Variants in DIP2A observed in about 807,000 individuals in gnomAD.
DIP2A encodes the protein DIP2 acetate--CoA ligase A, also known as disco-interacting protein 2 homolog A.
In DIP2A, 85 loss-of-function variants were observed where a neutral mutation model predicts 177.4. The ratio of observed to expected loss-of-function variants is 0.48; its 90% CI spans 0.40 to 0.57. The LOEUF is 0.57. DIP2A is among the 20% of genes least tolerant of loss of function. The pLI is 0.00. For missense variants in DIP2A, 1,791 were observed against 2,100.2 expected (o/e 0.85, Z 2.88); for synonymous variants, 886 against 881.8 (o/e 1.00, Z -0.08).
chr21:46,494,090 T>C (rs1210307504), intron 3 of DIP2A, among the ~76,000 whole-genome samples: 2 of 152,248 alleles, frequency 1.3e-5, no homozygotes, highest in African/African-American at 2.4e-5. Flanking sequence ...GATAATGCCA[T>C]TTTCACAAAG....
At chr21:46,559,645 G>A (rs2060599943) in intron 32 of DIP2A, among the ~76,000 whole-genome samples, 1 of 152,264 alleles carries the variant, frequency 6.6e-6, no homozygotes, top group Admixed American at 6.5e-5. Flanking sequence ...CTAGACGTCG[G>A]AAGGGTATGG....
At position 46,554,311 on chromosome 21, in the gene DIP2A, T is replaced by A; in HGVS notation, c.3154+19T>A. On this transcript the variant is annotated intron_variant, in intron 26 of 37. Transcript: ENST00000417564. ...CCACCAGGTGGGCTCACTGTGGGGC[T>A]GTCCACCTGCAGCTCTTTGTAAGCA... 1 of 1,612,750 alleles carries A rather than the reference T, an allele frequency of 6.2e-7. No individual in the cohort carries two copies.
At chr21:46,470,530 T>G (rs1477849411) in intron 1 of DIP2A, among the ~76,000 whole-genome samples, 2 of 150,690 alleles carry the variant, frequency 1.3e-5, no homozygotes, top group Non-Finnish European at 3.0e-5. Context: ...TCCAGCACTT[T>G]GGGAGGCCGA....
chr21:46,482,972 G>C (rs2079281218), intron 1 of DIP2A, among the ~76,000 whole-genome samples: 1 of 152,188 alleles, frequency 6.6e-6, no homozygotes, highest in Admixed American at 6.5e-5. Flanking sequence ...GTTATATCCT[G>C]AACCTGATGA....
intron 6 of DIP2A, among the ~76,000 whole-genome samples, chr21:46,506,760 C>CTTTCT (rs2058021626): frequency 1.3e-5 from 1 of 76,616 alleles, no homozygotes; most frequent in Non-Finnish European, 2.9e-5. Context: ...TTCTTTCTTT[C>CTTTCT]TTTCTTTCTT....
chr21:46,478,925 T>G lies in DIP2A; in HGVS notation c.92-5832T>G, dbSNP rs193139624. 1.1e-4 allele frequency among the ~76,000 whole-genome samples: 16 copies of G among 152,354 alleles called. No homozygotes were observed. The East Asian group carries it at 2.5e-3, about 24-fold the overall frequency. Reference sequence around the variant, plus strand: ...GATCAAATGCCAGACATTGTCTATATAGTGATCATTTGTGACCACAAAGGG... The same window carrying G: ...GATCAAATGCCAGACATTGTCTATAGAGTGATCATTTGTGACCACAAAGGG... On this transcript the variant is annotated intron_variant, in intron 1 of 37. Coordinates refer to ENST00000417564, the MANE Select transcript of DIP2A (RefSeq NM_015151.4).
At chr21:46,463,691 T>TGC (rs1439615585) in intron 1 of DIP2A, among the ~76,000 whole-genome samples, 1 of 144,444 alleles carries the variant, frequency 6.9e-6, no homozygotes, top group African/African-American at 2.9e-5. Context: ...TGTGTGTGTG[T>TGC]GTGTGTGTGT....
intron 25 of DIP2A, chr21:46,553,330 C>T (rs2060340115): frequency 6.6e-6 from 1 of 152,268 alleles, no homozygotes; most frequent in Non-Finnish European, 1.5e-5. Context: ...TGATGTTACA[C>T]TGGTCTGCTC....
intron 26 of DIP2A, 52 bp downstream of exon 26, chr21:46,554,344 A>G: frequency 3.1e-6 from 5 of 1,604,694 alleles, no homozygotes; most frequent in Middle Eastern, 1.7e-4. Flanking sequence ...GCAGCCTCCT[A>G]TCCTAAGCAG....
At chr21:46,504,289 G>T in intron 5 of DIP2A, 72 bp from the exon 6 acceptor site, 1 of 1,578,114 alleles carries the variant, frequency 6.3e-7, no homozygotes, top group South Asian at 1.1e-5. Context: ...AGACTAACGG[G>T]GTTTCAAGAG....
downstream of DIP2A, among the ~76,000 whole-genome samples, chr21:46,574,633 A>C (rs900995793): frequency 6.6e-6 from 1 of 152,162 alleles, no homozygotes; most frequent in African/African-American, 2.4e-5. Context: ...AAACGTTACC[A>C]ATTCTACAGT....
Position 46,557,429 on chromosome 21 carries a change from T to C in DIP2A, c.3630-156T>C. 2.1e-6 allele frequency: 2 copies of C among 949,172 alleles called. No homozygotes were observed. The highest frequency in any genetic ancestry group is 3.5e-5 in the South Asian group (2 of 57,512). The allele number at this position is 949,172 out of a possible 1,614,324, so 58.8% of individuals were successfully genotyped here. A position where few individuals can be genotyped will look rare whatever the true frequency, so the allele number is the denominator to read the frequency against. Reference sequence around the variant, plus strand: ...GCCTGCCATCCCCCAACCTTCACCCTGTGGCATGTTTTCCACCAAACCCCC... The same window carrying C: ...GCCTGCCATCCCCCAACCTTCACCCCGTGGCATGTTTTCCACCAAACCCCC... On this transcript the variant is annotated intron_variant, in intron 30 of 37. Transcript: ENST00000417564. This position sits in a 1 kb window ranked among gnomAD's most constrained non-coding sequence, Gnocchi z 6.0.
In DIP2A at chr21:46,498,327, G is replaced by A. The variant is rs1018334629; in HGVS notation, c.404-255G>A. ...ATCAGAGGCTGTCTTCACTGAGTGT[G>A]TCTGGTACCCTGTGGCTGAGTTCTC... On this transcript the variant is annotated intron_variant, in intron 4 of 37. Transcript: ENST00000417564. The surrounding 1 kb of genome is among the most constrained non-coding windows in gnomAD (Gnocchi z 4.3). Among the ~76,000 whole-genome samples the A allele has an allele frequency of 2.6e-5, 4 of 152,180 alleles. No homozygotes were observed. The highest frequency in any genetic ancestry group is 9.7e-5 in the African/African-American group (4 of 41,448).
At chr21:46,544,000 G>A (rs556003887) in intron 18 of DIP2A, among the ~76,000 whole-genome samples, 2 of 152,286 alleles carry the variant, frequency 1.3e-5, no homozygotes, top group East Asian at 3.9e-4. Flanking sequence ...TCAAGAAGAG[G>A]CACAGAAGGA....
In DIP2A at chr21:46,538,579, T is replaced by C; in HGVS notation, c.1898T>C (p.Ile633Thr). 6.4e-7 allele frequency: 1 copy of C among 1,557,776 alleles called. No homozygotes were observed. The highest frequency in any genetic ancestry group is 1.4e-5 in the African/African-American group (1 of 73,546). The change falls in exon 16 of 38, where the codon ATT becomes ACT. Residue 633 changes from isoleucine to threonine, a missense_variant. Transcript: ENST00000417564. ...AGCCTCAGCTCACTGCGCATGCTGATTGTGGCCGATGGTGCCAACCCGTGT... is the reference window on the plus strand; with the variant it reads ...AGCCTCAGCTCACTGCGCATGCTGACTGTGGCCGATGGTGCCAACCCGTGT... The part of the protein sequence containing the change: ...DVSLSSLRML[I>T]VADGANPWSI...
rs762054063 is a variant in DIP2A at position 46,477,571 on chromosome 21, T to TGTGTGTGTGTGTGTGTGTGTG, written c.92-7186_92-7185insGTGTGTGTGTGTGTGTGTGTG. On this transcript the variant is annotated intron_variant, in intron 1 of 37. Coordinates refer to ENST00000417564, the MANE Select transcript of DIP2A (RefSeq NM_015151.4). ...TGTGTGTGTGTGTGTGTGTGTGTAT[T>TGTGTGTGTGTGTGTGTGTGTG]TCTTTTTTTTTTTTTTTCTTGAGTC... 1.7e-3 allele frequency among the ~76,000 whole-genome samples: 115 copies of TGTGTGTGTGTGTGTGTGTGTG among 66,526 alleles called. 2 individuals are homozygous for TGTGTGTGTGTGTGTGTGTGTG. The highest frequency in any genetic ancestry group is 4.6e-3 in the East Asian group (12 of 2,594). 43.6% of individuals were successfully genotyped at this position (66,526 alleles called of 152,430 possible). A position where few individuals can be genotyped will look rare whatever the true frequency, so the allele number is the denominator to read the frequency against.
At chr21:46,496,674 G>C (rs910780529) in intron 3 of DIP2A, among the ~76,000 whole-genome samples, 8 of 152,262 alleles carry the variant, frequency 5.3e-5, no homozygotes, top group Admixed American at 5.2e-4. Flanking sequence ...CATGGGCCAC[G>C]GGTTGAACAA....
chr21:46,504,056 C>G (rs2839298), intron 5 of DIP2A, among the ~76,000 whole-genome samples: 102,920 of 152,096 alleles, frequency 0.68, 34,971 homozygotes, highest in East Asian at 0.77. Flanking sequence ...AAAATCTCAT[C>G]AGGCCATTGT....
downstream of DIP2A, among the ~76,000 whole-genome samples, chr21:46,570,115 A>G (rs918653508): frequency 1.3e-5 from 2 of 152,150 alleles, no homozygotes; most frequent in Non-Finnish European, 2.9e-5. Flanking sequence ...CGTTGTTTCA[A>G]CAGGACTGCA....
Sources: allele counts gnomAD v4.1 joint callset (sites outside exome capture counted in the v4.1 genomes callset), GRCh38; gene constraint gnomAD v4.1.1; non-coding constraint Gnocchi (gnomAD v3.1); transcripts MANE v1.5; gene names NCBI Gene and HGNC (gene_info 2026-07-23, HGNC 2026-07-21).